VWC2: variants seen among roughly 807,000 people sequenced by gnomAD.
VWC2 encodes the protein brorin.
VWC2 carries 14 observed loss-of-function variants against 29.8 expected under a neutral mutation model. That is an observed-to-expected ratio of 0.47 (90% CI 0.31 to 0.74). The LOEUF (loss-of-function observed/expected upper bound fraction) is 0.74, where lower values mean the gene tolerates loss of function less well. Ranked by LOEUF, VWC2 falls within the 30% of genes least tolerant of loss-of-function variation. The pLI is 0.05. For missense variants in VWC2, 457 were observed against 459.8 expected (o/e 0.99, Z 0.05); for synonymous variants, 213 against 199.0 (o/e 1.07, Z -0.59).
chr7:49,841,955 C>T (rs575649005), intron 3 of VWC2, among the ~76,000 whole-genome samples: 270 of 152,216 alleles, frequency 1.8e-3, no homozygotes, highest in African/African-American at 6.2e-3. Context: ...CATCCTCCAC[C>T]TCCTGGGTTC....
At chr7:49,894,663 G>A (rs1413047248) in intron 3 of VWC2, among the ~76,000 whole-genome samples, 1 of 152,238 alleles carries the variant, frequency 6.6e-6, no homozygotes, top group Admixed American at 6.5e-5. Flanking sequence ...CTCCTGTCCT[G>A]AGGGACTTCC....
At chr7:49,845,508 G>T (rs1373683027) in intron 3 of VWC2, among the ~76,000 whole-genome samples, 1 of 152,210 alleles carries the variant, frequency 6.6e-6, no homozygotes, top group South Asian at 2.1e-4. Context: ...GTAGAATGGT[G>T]AAGGAATATA....
chr7:49,846,145 A>G (rs115971606), intron 3 of VWC2, among the ~76,000 whole-genome samples: 79 of 152,338 alleles, frequency 5.2e-4, no homozygotes, highest in African/African-American at 1.9e-3. Context: ...AAGCAAGTCA[A>G]TAGAGCCAAC....
intron 3 of VWC2, among the ~76,000 whole-genome samples, chr7:49,871,411 C>T (rs1791143127): frequency 6.6e-6 from 1 of 152,104 alleles, no homozygotes; most frequent in Admixed American, 6.5e-5. Flanking sequence ...ATGGTGAAAA[C>T]TCATCAGTAA....
intron 3 of VWC2, among the ~76,000 whole-genome samples, chr7:49,906,987 A>C (rs1236231637): frequency 6.6e-6 from 1 of 152,196 alleles, no homozygotes; most frequent in African/African-American, 2.4e-5. Flanking sequence ...GACCAGTTTC[A>C]AGTGACCCAT....
At chr7:49,883,700 TCAAA>T (rs1346564104) in intron 3 of VWC2, among the ~76,000 whole-genome samples, 1 of 152,196 alleles carries the variant, frequency 6.6e-6, no homozygotes, top group Non-Finnish European at 1.5e-5. Context: ...CTGCACTTCC[TCAAA>T]CAGACATCAG....
Position 49,802,898 on chromosome 7 carries a change from G to A in VWC2, c.826+58G>A, listed in dbSNP as rs1788775655. On this transcript the variant is annotated intron_variant, in intron 3 of 3. Transcript: ENST00000340652. ...CCTCCCACCCTGATGCACAACCCAT[G>A]TGCTGCTTCATGGTAGACGGGACAC... 8 of 1,610,286 alleles carry A rather than the reference G, an allele frequency of 5.0e-6. No homozygotes were observed. In the South Asian group the frequency reaches 6.6e-5, roughly 13 times the overall value.
intron 3 of VWC2, among the ~76,000 whole-genome samples, chr7:49,838,485 G>A (rs13228727): frequency 1.6e-4 from 25 of 152,098 alleles, no homozygotes; most frequent in African/African-American, 6.0e-4. Context: ...TGTCAGTGGA[G>A]GATGGGAGCC....
chr7:49,837,425 C>T (rs1432690174), intron 3 of VWC2, among the ~76,000 whole-genome samples: 4 of 152,154 alleles, frequency 2.6e-5, no homozygotes, highest in Non-Finnish European at 5.9e-5. Flanking sequence ...AGTATAAGTG[C>T]CCCAGAACAT....
intron 2 of VWC2, among the ~76,000 whole-genome samples, chr7:49,786,366 T>G (rs1183405377): frequency 1.3e-5 from 2 of 152,256 alleles, no homozygotes; most frequent in African/African-American, 4.8e-5. Flanking sequence ...TACCACATTT[T>G]ATTTATCCAA....
At chr7:49,862,008 A>C (rs1015703623) in intron 3 of VWC2, among the ~76,000 whole-genome samples, 1 of 152,192 alleles carries the variant, frequency 6.6e-6, no homozygotes, top group African/African-American at 2.4e-5. Flanking sequence ...TTCCATTTCC[A>C]TAAAAAATGG....
chr7:49,820,830 TAGGTGCAGCCC>T (rs2128709396), intron 3 of VWC2, among the ~76,000 whole-genome samples: 1 of 152,222 alleles, frequency 6.6e-6, no homozygotes, highest in East Asian at 1.9e-4. Flanking sequence ...TCATCCCTCA[TAGGTGCAGCCC>T]AGGTGCAGGC....
At chr7:49,906,177 C>T (rs118032500) in intron 3 of VWC2, among the ~76,000 whole-genome samples, 7,125 of 152,224 alleles carry the variant, frequency 0.047, 241 homozygotes, top group Non-Finnish European at 0.069. Context: ...TATGGACTCA[C>T]CCCAAATTCT....
At position 49,912,799 on chromosome 7, in the gene VWC2, A is replaced by T. The variant is rs1040607163; in HGVS notation, c.*614A>T. The T allele has an allele frequency of 6.6e-6, 1 of 152,348 alleles. No homozygotes were observed. The highest frequency in any genetic ancestry group is 2.4e-5 in the African/African-American group (1 of 41,452). The allele number at this position is 152,348 out of a possible 1,614,324, so 9.4% of individuals were successfully genotyped here. Reference sequence around the variant, plus strand: ...TCATTCTCAGTCACTTGTGAAATGCAGGTGTAAAGATCACTAACTCACACT... The same window carrying T: ...TCATTCTCAGTCACTTGTGAAATGCTGGTGTAAAGATCACTAACTCACACT... On this transcript the variant is annotated 3_prime_UTR_variant, in exon 4 of 4. Coordinates refer to ENST00000340652, the MANE Select transcript of VWC2 (RefSeq NM_198570.5).
intron 3 of VWC2, among the ~76,000 whole-genome samples, chr7:49,834,472 T>A (rs1789611605): frequency 6.6e-6 from 1 of 152,216 alleles, no homozygotes; most frequent in Non-Finnish European, 1.5e-5. Flanking sequence ...AACAAGTGAA[T>A]GAGCAAGTGG....
intron 3 of VWC2, among the ~76,000 whole-genome samples, chr7:49,846,305 C>T (rs1391843555): frequency 6.6e-6 from 1 of 152,128 alleles, no homozygotes; most frequent in Non-Finnish European, 1.5e-5. Context: ...TGGACTAAAA[C>T]AATAACAACA....
At chr7:49,785,467 T>C (rs1461752528) in intron 2 of VWC2, among the ~76,000 whole-genome samples, 1 of 152,168 alleles carries the variant, frequency 6.6e-6, no homozygotes, top group African/African-American at 2.4e-5. Context: ...GAAATTAAGA[T>C]AGTTCCAAGA....
chr7:49,901,981 C>T (rs371966340), intron 3 of VWC2, among the ~76,000 whole-genome samples: 20 of 146,494 alleles, frequency 1.4e-4, no homozygotes, highest in East Asian at 1.2e-3. Context: ...ACTGAGCATC[C>T]ACATGTGAAA....
chr7:49,914,419 T>A lies in VWC2; in HGVS notation c.*2234T>A, dbSNP rs1793612511. The A allele has an allele frequency of 1.3e-5, 2 of 152,204 alleles. No homozygotes were observed. The highest frequency in any genetic ancestry group is 2.9e-5 in the Non-Finnish European group (2 of 68,024). 9.4% of individuals were successfully genotyped at this position (152,204 alleles called of 1,614,324 possible). On this transcript the variant is annotated 3_prime_UTR_variant, in exon 4 of 4. Coordinates refer to ENST00000340652, the MANE Select transcript of VWC2 (RefSeq NM_198570.5). ...TGACTCACTTGCTCTAAACTTAGTT[T>A]GACCTGCAGGGTCACCAGCACACAC...
Sources: gnomAD v4.1 joint callset for allele counts (sites outside exome capture counted in the v4.1 genomes callset) on GRCh38, gnomAD v4.1.1 for gene constraint, MANE v1.5 for transcripts, NCBI Gene and HGNC (gene_info 2026-07-23, HGNC 2026-07-21) for gene names.